The following EHHADH variants were observed in gnomAD, a reference collection of about 807,000 sequenced individuals.
The protein encoded by EHHADH is enoyl-CoA hydratase and 3-hydroxyacyl CoA dehydrogenase.
In EHHADH, 48 loss-of-function variants were observed where a neutral mutation model predicts 64.4. The ratio of observed to expected loss-of-function variants is 0.75; its 90% CI spans 0.59 to 0.95. The LOEUF (loss-of-function observed/expected upper bound fraction) is 0.95, where lower values mean the gene tolerates loss of function less well. EHHADH is among the 40% of genes least tolerant of loss of function. The pLI, the probability that EHHADH is intolerant of heterozygous loss-of-function variation, is 0.00. For synonymous variants in EHHADH, 308 were observed against 326.7 expected (o/e 0.94, Z 0.62); for missense variants, 854 against 876.6 (o/e 0.97, Z 0.33).
intron 1 of EHHADH, among the ~76,000 whole-genome samples, chr3:185,249,100 T>G (rs1719674669): frequency 6.6e-6 from 1 of 152,118 alleles, no homozygotes. Context: ...TTAAAACACT[T>G]GGTTTTTACT....
intron 5 of EHHADH, among the ~76,000 whole-genome samples, chr3:185,214,778 T>C (rs1718638940): frequency 6.6e-6 from 1 of 152,206 alleles, no homozygotes; most frequent in African/African-American, 2.4e-5. Flanking sequence ...AGTCAGTTCA[T>C]TGAGATTATC....
At chr3:185,230,458 AC>A (rs1182140261) in intron 3 of EHHADH, among the ~76,000 whole-genome samples, 2 of 152,246 alleles carry the variant, frequency 1.3e-5, no homozygotes, top group Admixed American at 6.5e-5. Flanking sequence ...GAAAGGTAGT[AC>A]ATCCATACAA....
intron 2 of EHHADH, chr3:185,246,073 C>CT: frequency 7.8e-7 from 1 of 1,275,850 alleles, no homozygotes; most frequent in Non-Finnish European, 1.1e-6. Flanking sequence ...TCTTTTTCTT[C>CT]TTTTTATTCC....
intron 6 of EHHADH, among the ~76,000 whole-genome samples, chr3:185,198,907 G>T (rs1718149927): frequency 6.6e-6 from 1 of 150,658 alleles, no homozygotes; most frequent in South Asian, 2.1e-4. Context: ...AATTTTATAT[G>T]TGAGTTACAT....
Position 185,235,335 on chromosome 3 carries a change from T to TC in EHHADH, c.305dup (p.Leu103ThrfsTer10), listed in dbSNP as rs1418721800. On this transcript the variant is annotated frameshift_variant, in exon 3 of 7. Coordinates refer to ENST00000231887, the MANE Select transcript of EHHADH (RefSeq NM_001966.4). LOFTEE classifies it high-confidence loss of function. ...AGTGACAGCCCAGGGCCAGCTCTAGTCCCCCTCCGAAAGCCATGCCTTGGA... is the reference window on the plus strand; with the variant it reads ...AGTGACAGCCCAGGGCCAGCTCTAGTCCCCCCTCCGAAAGCCATGCCTTGGA... The TC allele has an allele frequency of 1.2e-6, 2 of 1,613,816 alleles. No individual in the cohort carries two copies. The highest frequency in any genetic ancestry group is 2.2e-5 in the South Asian group (2 of 91,038).
intron 4 of EHHADH, among the ~76,000 whole-genome samples, chr3:185,225,165 C>A (rs1428998433): frequency 6.6e-6 from 1 of 152,150 alleles, no homozygotes; most frequent in East Asian, 1.9e-4. Flanking sequence ...AAACCCCAGG[C>A]CTGTCTATCC....
intron 3 of EHHADH, among the ~76,000 whole-genome samples, chr3:185,231,971 T>A (rs952411857): frequency 8.9e-5 from 10 of 112,164 alleles, no homozygotes; most frequent in Admixed American, 4.4e-4. Flanking sequence ...AAAAGGCTAT[T>A]TTTTTTTTTT....
intron 4 of EHHADH, among the ~76,000 whole-genome samples, chr3:185,223,127 G>A (rs907267559): frequency 2.0e-5 from 3 of 152,106 alleles, no homozygotes; most frequent in African/African-American, 4.8e-5. Context: ...TTGGGAGCAC[G>A]TATTATTCAA....
intron 2 of EHHADH, chr3:185,248,188 C>T: frequency 2.1e-6 from 1 of 484,518 alleles, no homozygotes; most frequent in Non-Finnish European, 3.7e-6. Flanking sequence ...AAGTCTGGAA[C>T]TAAATATACT....
Position 185,245,969 on chromosome 3 carries a change from C to A in EHHADH, c.178+2445G>T, listed in dbSNP as rs1413133257. The A allele has an allele frequency of 1.5e-5, 23 of 1,494,800 alleles. No homozygotes were observed. The South Asian group carries it at 2.5e-4, about 16-fold the overall frequency. The allele number at this position is 1,494,800 out of a possible 1,614,324, so 92.6% of individuals were successfully genotyped here. On this transcript the variant is annotated intron_variant, in intron 2 of 6. Coordinates refer to ENST00000231887, the MANE Select transcript of EHHADH (RefSeq NM_001966.4). The stretch of plus-strand genomic sequence containing the variant: ...TGCCCAAGCAGGGCCTGTCTGATTA[C>A]TGAATGAGATACCATCATCTTTTTT...
chr3:185,219,308 A>T (rs1333870437), intron 4 of EHHADH, among the ~76,000 whole-genome samples: 1 of 152,218 alleles, frequency 6.6e-6, no homozygotes, highest in African/African-American at 2.4e-5. Flanking sequence ...TGACTGTGGC[A>T]GCTGGAGTGT....
intron 6 of EHHADH, among the ~76,000 whole-genome samples, chr3:185,202,691 A>G (rs1317632926): frequency 1.3e-5 from 2 of 152,166 alleles, no homozygotes; most frequent in African/African-American, 4.8e-5. Context: ...TGAACTGCGC[A>G]TGTGAGGGAT....
At chr3:185,228,257 A>AAAAAAAATATATATATAT (rs1367786172) in intron 4 of EHHADH, among the ~76,000 whole-genome samples, 1 of 22,006 alleles carries the variant, frequency 4.5e-5, no homozygotes, top group Non-Finnish European at 1.1e-4. Context: ...AAAAAAAAAA[A>AAAAAAAATATATATATAT]ATATATATAT....
At chr3:185,251,664 A>C in intron 1 of EHHADH, among the ~76,000 whole-genome samples, 1 of 151,796 alleles carries the variant, frequency 6.6e-6, no homozygotes, top group East Asian at 1.9e-4. Flanking sequence ...AGAATCTCTC[A>C]ATCAGCTAGG....
chr3:185,218,345 A>C lies in EHHADH; in HGVS notation c.464-105T>G. 6.1e-6 allele frequency: 4 copies of C among 653,964 alleles called. No homozygotes were observed. In the South Asian group the frequency reaches 7.1e-5, roughly 12 times the overall value. The allele number at this position is 653,964 out of a possible 1,614,324, so 40.5% of individuals were successfully genotyped here. A position where few individuals can be genotyped will look rare whatever the true frequency, so the allele number is the denominator to read the frequency against. ...GGAAAGGCTGTCTGTCTGGATATAA[A>C]TATCTATTATTGAATAAAATAAGTA... is the stretch of plus-strand genomic sequence containing the variant. On this transcript the variant is annotated intron_variant, in intron 4 of 6. Transcript: ENST00000231887.
At chr3:185,247,176 T>C (rs962229101) in intron 2 of EHHADH, among the ~76,000 whole-genome samples, 1 of 152,228 alleles carries the variant, frequency 6.6e-6, no homozygotes, top group Non-Finnish European at 1.5e-5. Flanking sequence ...CAGAAGAATG[T>C]ATATTCTCCC....
chr3:185,248,796 C>T lies in EHHADH; in HGVS notation c.75-279G>A, dbSNP rs11707079. 0.047 allele frequency among the ~76,000 whole-genome samples: 7,177 copies of T among 152,170 alleles called. 245 individuals are homozygous for T. Among genetic ancestry groups the T allele is most frequent in the Non-Finnish European group, 0.063 (4,276 of 68,008 alleles). On this transcript the variant is annotated intron_variant, in intron 1 of 6. Transcript: ENST00000231887. Reference sequence around the variant, plus strand: ...TCCTGCACTGTGCTTTCACTTTGACCGCTTAAAATTGACACCAACCAATTT... The same window carrying T: ...TCCTGCACTGTGCTTTCACTTTGACTGCTTAAAATTGACACCAACCAATTT...
intron 5 of EHHADH, among the ~76,000 whole-genome samples, chr3:185,205,201 G>A (rs1388378933): frequency 2.0e-5 from 3 of 150,986 alleles, no homozygotes; most frequent in Non-Finnish European, 4.4e-5. Flanking sequence ...TTAGATTGAG[G>A]GCATACATGT....
At chr3:185,229,254 G>A (rs1395071278) in intron 4 of EHHADH, among the ~76,000 whole-genome samples, 178 bp downstream of exon 4, 2 of 152,150 alleles carry the variant, frequency 1.3e-5, no homozygotes, top group African/African-American at 2.4e-5. Context: ...TCACGATAAC[G>A]TTTGAGAAGC....
Sources: allele counts gnomAD v4.1 joint callset (sites outside exome capture counted in the v4.1 genomes callset), GRCh38; gene constraint gnomAD v4.1.1; transcripts MANE v1.5; gene names NCBI Gene and HGNC (gene_info 2026-07-23, HGNC 2026-07-21).